The following MAST3 variants were observed in gnomAD, a reference collection of about 807,000 sequenced individuals.
MAST3 encodes the protein microtubule-associated serine/threonine-protein kinase 3.
In MAST3, 43 loss-of-function variants were observed where a neutral mutation model predicts 127.0. That is an observed-to-expected ratio of 0.34 (90% CI 0.27 to 0.44). The LOEUF is 0.44. Among genes scored for constraint, MAST3 ranks in the 20% least tolerant of loss-of-function variants. The probability of loss-of-function intolerance (pLI) is 1.00; values close to 1 mark genes in which losing one functional copy is unlikely to be tolerated. For synonymous variants in MAST3, 785 were observed against 809.2 expected (o/e 0.97, Z 0.51); for missense variants, 1,390 against 1,919.1 (o/e 0.72, Z 5.15).
intron 6 of MAST3, 29 bp from the exon 7 acceptor site, chr19:18,123,188 T>C (rs764275979): frequency 6.2e-7 from 1 of 1,612,302 alleles, no homozygotes; most frequent in Non-Finnish European, 8.5e-7. Context: ...GGTGAACTCA[T>C]GGCTCTGATC....
rs762656538 is a variant in MAST3 at position 18,121,839 on chromosome 19, C to G, written c.251-14C>G. 1 of 1,613,884 alleles carries G rather than the reference C, an allele frequency of 6.2e-7. No individual in the cohort carries two copies. The highest frequency in any genetic ancestry group is 1.3e-5 in the African/African-American group (1 of 75,060). On this transcript the variant is annotated splice_polypyrimidine_tract_variant and intron_variant, in intron 4 of 27. Coordinates refer to ENST00000687212, the MANE Select transcript of MAST3 (RefSeq NM_001393504.1). ...TGCCCCGCTGACTCAGTTTCCCCGC[C>G]TCCTCCTCAGCAGGCAGCAGCCCCT...
At chr19:18,137,998 A>G (rs1000452762) in intron 19 of MAST3, among the ~76,000 whole-genome samples, 1 of 152,124 alleles carries the variant, frequency 6.6e-6, no homozygotes, top group African/African-American at 2.4e-5. Context: ...TGAGGTCAGG[A>G]GTTCGAGACC....
chr19:18,133,362 C>T (rs2041532349), intron 15 of MAST3, among the ~76,000 whole-genome samples: 1 of 151,998 alleles, frequency 6.6e-6, no homozygotes, highest in South Asian at 2.1e-4. Flanking sequence ...GTACCTGGCC[C>T]AGAACACTTT....
At chr19:18,113,543 C>T (rs920541801) in intron 3 of MAST3, among the ~76,000 whole-genome samples, 1 of 152,204 alleles carries the variant, frequency 6.6e-6, no homozygotes, top group Non-Finnish European at 1.5e-5. Flanking sequence ...TCACTGCAAC[C>T]TCCGCCTCCT....
Position 18,144,842 on chromosome 19 carries a change from C to G in MAST3, c.2812+149C>G, listed in dbSNP as rs1054388402. Reference sequence around the variant, plus strand: ...CATGGAGAGCTGGGGAGATGGTGTTCCCAGTAGAGGGCACTGCACGTGCAA... The same window carrying G: ...CATGGAGAGCTGGGGAGATGGTGTTGCCAGTAGAGGGCACTGCACGTGCAA... On this transcript the variant is annotated intron_variant, in intron 23 of 27. Coordinates refer to ENST00000687212, the MANE Select transcript of MAST3 (RefSeq NM_001393504.1). The surrounding 1 kb of genome is among the most constrained non-coding windows in gnomAD (Gnocchi z 4.0). 1 of 991,020 alleles carries G rather than the reference C, an allele frequency of 1.0e-6. No homozygotes were observed. The highest frequency in any genetic ancestry group is 1.5e-6 in the Non-Finnish European group (1 of 649,448). 61.4% of individuals were successfully genotyped at this position (991,020 alleles called of 1,614,324 possible).
Position 18,134,809 on chromosome 19 carries a change from T to A in MAST3, c.1705-8T>A, listed in dbSNP as rs1253996240. The A allele has an allele frequency of 3.7e-6, 6 of 1,613,976 alleles. No homozygotes were observed. Among genetic ancestry groups the A allele is most frequent in the Non-Finnish European group, 5.1e-6 (6 of 1,179,872 alleles). The stretch of plus-strand genomic sequence containing the variant: ...CTGGCCTCAGTTTCCCCGTTCTCCC[T>A]GGCCCAGGTGTGTGGGACGCCGGAG... On this transcript the variant is annotated splice_region_variant and splice_polypyrimidine_tract_variant and intron_variant, in intron 16 of 27. Coordinates refer to ENST00000687212, the MANE Select transcript of MAST3 (RefSeq NM_001393504.1).
chr19:18,122,397 G>A (rs1270886623), intron 5 of MAST3, among the ~76,000 whole-genome samples: 1 of 151,772 alleles, frequency 6.6e-6, no homozygotes, highest in Non-Finnish European at 1.5e-5. Flanking sequence ...TTGGTGGGGG[G>A]TGGTCAATGT....
chr19:18,122,546 C>T, intron 5 of MAST3, 127 bp from the exon 6 acceptor site: 1 of 791,458 alleles, frequency 1.3e-6, no homozygotes, highest in Non-Finnish European at 2.2e-6. Context: ...TGTCTCTGTT[C>T]TTGGTTATTT....
At chr19:18,147,159 A>G (rs1457172093) in intron 26 of MAST3, 115 bp downstream of exon 26, 1 of 1,049,514 alleles carries the variant, frequency 9.5e-7, no homozygotes, top group Non-Finnish European at 1.3e-6. Flanking sequence ...GCTGGAGTGC[A>G]GTGGCTCAAT....
chr19:18,124,270 T>C lies in MAST3; in HGVS notation c.849T>C (p.His283=), dbSNP rs533820472. Residue 283 remains histidine (H), a synonymous_variant, in exon 10 of 28, where the codon CAT becomes CAC. Coordinates refer to ENST00000687212, the MANE Select transcript of MAST3 (RefSeq NM_001393504.1). ...EKLERLLQDA[H]ERSDSEEVSF... is the part of the protein sequence containing the mutation. ...CCACGACCCACCTCCCCCAGGCCCA[T>C]GAGCGTTCGGACAGTGAGGAGGTCA... 3.7e-6 allele frequency: 6 copies of C among 1,605,826 alleles called. No individual in the cohort carries two copies. In the Admixed American group the frequency reaches 5.1e-5, roughly 14 times the overall value.
intron 3 of MAST3, among the ~76,000 whole-genome samples, chr19:18,118,986 T>C (rs1168062942): frequency 1.3e-5 from 2 of 152,080 alleles, no homozygotes; most frequent in Non-Finnish European, 2.9e-5. Flanking sequence ...GGAATATGGG[T>C]GCCAGAGGGA....
chr19:18,146,660 C>T (rs568927942), intron 25 of MAST3, among the ~76,000 whole-genome samples: 16 of 152,180 alleles, frequency 1.1e-4, no homozygotes, highest in African/African-American at 3.6e-4. Flanking sequence ...AGGCCTCGAT[C>T]GGCGTTGACC....
rs760730073 is a variant in MAST3, at chr19:18,146,996, G to T, written c.3278G>T (p.Arg1093Leu). The T allele has an allele frequency of 1.3e-6, 2 of 1,571,322 alleles. No homozygotes were observed. The highest frequency in any genetic ancestry group is 1.9e-5 in the Admixed American group (1 of 53,522). Residue 1093 changes from arginine to leucine, a missense_variant, in exon 26 of 28, where the codon CGT becomes CTT. Around this residue, in one of 5 missense-constraint regions of MAST3, gnomAD observed 816 missense variants for 934.1 expected, o/e 0.87. Coordinates refer to ENST00000687212, the MANE Select transcript of MAST3 (RefSeq NM_001393504.1). ...GRMARRSKRS[R>L]RRETQDRCAA... ...ATGGCACGCAGGAGCAAGAGGAGCCGTCGGCGGGAGACCCAGGATCGGTGC... is the reference window on the plus strand; with the variant it reads ...ATGGCACGCAGGAGCAAGAGGAGCCTTCGGCGGGAGACCCAGGATCGGTGC...
chr19:18,121,059 T>A (rs1001991101), intron 3 of MAST3, among the ~76,000 whole-genome samples: 1 of 151,800 alleles, frequency 6.6e-6, no homozygotes, highest in Admixed American at 6.6e-5. Flanking sequence ...TTTCACCATG[T>A]TTACCAGGAT....
intron 6 of MAST3, 87 bp from the exon 7 acceptor site, chr19:18,123,130 A>C: frequency 7.0e-7 from 1 of 1,422,668 alleles, no homozygotes; most frequent in South Asian, 1.2e-5. Flanking sequence ...GCCAGCAGGC[A>C]GCCTGGGCCT....
At chr19:18,100,128 C>CTTTTTTTTTTTTTTTTTTT (rs58879254) in intron 1 of MAST3, among the ~76,000 whole-genome samples, 2 of 121,720 alleles carry the variant, frequency 1.6e-5, no homozygotes, top group Non-Finnish European at 3.5e-5. Flanking sequence ...CTCTCTCTCT[C>CTTTTTTTTTTTTTTTTTTT]TTTTTTTTTT....
In MAST3 at chr19:18,149,117, G is replaced by A. The variant is rs2043330968; in HGVS notation, c.3509-74G>A. 14 of 1,389,580 alleles carry A rather than the reference G, an allele frequency of 1.0e-5. No individual in the cohort carries two copies. The highest frequency in any genetic ancestry group is 3.6e-5 in the Admixed American group (1 of 27,948). The allele number at this position is 1,389,580 out of a possible 1,614,324, so 86.1% of individuals were successfully genotyped here. Reference sequence around the variant, plus strand: ...AAGGATGTGGGCTTTAGCAGTTTTTGTCAGTCCCACAGCTCCACTTCTGGG... The same window carrying A: ...AAGGATGTGGGCTTTAGCAGTTTTTATCAGTCCCACAGCTCCACTTCTGGG... On this transcript the variant is annotated intron_variant, in intron 27 of 27. Transcript: ENST00000687212. The surrounding 1 kb of genome is among the most constrained non-coding windows in gnomAD (Gnocchi z 5.9).
At chr19:18,113,961 C>A (rs2038942912) in intron 3 of MAST3, among the ~76,000 whole-genome samples, 1 of 152,222 alleles carries the variant, frequency 6.6e-6, no homozygotes, top group Non-Finnish European at 1.5e-5. Flanking sequence ...AGCCACATGG[C>A]TGATCCTCCA....
Position 18,134,940 on chromosome 19 carries a change from T to G in MAST3, c.1828T>G (p.Phe610Val). ...YEFLVGCVPF[F>V]GDTPEELFGQ... is the part of the protein sequence containing the mutation. ...GTTTCTGGTGGGCTGCGTGCCTTTC[T>G]TTGGAGATACCCCCGAGGAACTCTT... The change falls in exon 17 of 28, where the codon TTT (phenylalanine) becomes GTT (valine). Residue 610 changes from phenylalanine (F) to valine (V), a missense_variant. By Grantham distance (50) the Phe-to-Val change is conservative (BLOSUM62 -1). This residue lies in a region of MAST3 where 191 missense variants were observed against 409.0 expected (regional missense o/e 0.47). Transcript: ENST00000687212. The G allele has an allele frequency of 6.2e-7, 1 of 1,613,804 alleles. No homozygotes were observed.
Sources: allele counts gnomAD v4.1 joint callset (sites outside exome capture counted in the v4.1 genomes callset), GRCh38; gene constraint gnomAD v4.1.1; regional missense constraint gnomAD v4.1.1; non-coding constraint Gnocchi (gnomAD v3.1); transcripts MANE v1.5; gene names NCBI Gene and HGNC (gene_info 2026-07-23, HGNC 2026-07-21).